The following PCDH11X variants were observed in gnomAD, a reference collection of about 807,000 sequenced individuals.
PCDH11X encodes the protein protocadherin 11 X-linked.
Under a neutral mutation model 53.3 loss-of-function variants are expected in PCDH11X, and 18 were observed. That is an observed-to-expected ratio of 0.34 (90% CI 0.23 to 0.50). The LOEUF is 0.50. PCDH11X is among the 20% of genes least tolerant of loss of function. The pLI is 0.98. For synonymous variants in PCDH11X, 279 were observed against 393.3 expected (o/e 0.71, Z 3.44); for missense variants, 570 against 1,032.4 (o/e 0.55, Z 6.14).
At position 92,621,969 on chromosome X, in the gene PCDH11X, T is replaced by G. The variant is rs1163406519; in HGVS notation, c.*3029T>G. 2 of 104,111 alleles carry G rather than the reference T, an allele frequency of 1.9e-5. No individual in the cohort carries two copies. The highest frequency in any genetic ancestry group is 3.9e-5 in the Non-Finnish European group (2 of 50,928). 8.6% of individuals were successfully genotyped at this position (104,111 alleles called of 1,213,427 possible). On this transcript the variant is annotated 3_prime_UTR_variant, in exon 11 of 11. Coordinates refer to ENST00000682573, the MANE Select transcript of PCDH11X (RefSeq NM_032968.5). ...ACTATATCACACTTGTGAGTATGTA[T>G]TCAAATACTAAGTATCTTATATGCT...
At chrX:92,537,553 G>T (rs1387824808) in intron 10 of PCDH11X, among the ~76,000 whole-genome samples, 1 of 107,378 alleles carries the variant, frequency 9.3e-6, no homozygotes, top group African/African-American at 3.4e-5. Context: ...ATTAGCCAAA[G>T]CTGTCCTGAG....
intron 4 of PCDH11X, among the ~76,000 whole-genome samples, chrX:91,812,551 C>G (rs1205142742): frequency 1.8e-5 from 2 of 110,986 alleles, no homozygotes; most frequent in African/African-American, 3.3e-5. Context: ...CTTTGTGTGT[C>G]TATAATTCTT....
intron 6 of PCDH11X, among the ~76,000 whole-genome samples, chrX:92,077,144 G>A (rs1448743786): frequency 9.0e-6 from 1 of 111,730 alleles, no homozygotes. Flanking sequence ...GACAAAAATG[G>A]TATTGGCCTT....
chrX:92,610,574 G>A (rs992087602), intron 10 of PCDH11X, among the ~76,000 whole-genome samples: 3 of 109,788 alleles, frequency 2.7e-5, no homozygotes, highest in Non-Finnish European at 3.8e-5. Context: ...AGCTTATTTT[G>A]CTTTGCAGAA....
intron 6 of PCDH11X, among the ~76,000 whole-genome samples, chrX:91,898,912 A>G (rs1459847129): frequency 9.2e-6 from 1 of 108,818 alleles, no homozygotes; most frequent in Non-Finnish European, 1.9e-5. Context: ...CTGAGACTCA[A>G]TTTCTTCTTG....
At chrX:92,468,235 T>C (rs1378248095) in intron 9 of PCDH11X, 64 bp from the exon 10 acceptor site, 3 of 956,767 alleles carry the variant, frequency 3.1e-6, no homozygotes, top group East Asian at 3.5e-5. Context: ...GGTATGCTAA[T>C]ATAATGTTGT....
chrX:92,563,740 C>A (rs1211708020), intron 10 of PCDH11X, among the ~76,000 whole-genome samples: 5 of 111,356 alleles, frequency 4.5e-5, no homozygotes, highest in Non-Finnish European at 9.4e-5. Flanking sequence ...TATTAATGTG[C>A]TAGAAGAAAC....
intron 6 of PCDH11X, among the ~76,000 whole-genome samples, chrX:92,149,777 A>G (rs971626870): frequency 4.5e-5 from 5 of 110,524 alleles, no homozygotes; most frequent in African/African-American, 1.6e-4. Context: ...CCAAACAACC[A>G]CTAATATGTG....
At chrX:92,355,202 C>T (rs1196992474) in intron 8 of PCDH11X, among the ~76,000 whole-genome samples, 2 of 95,431 alleles carry the variant, frequency 2.1e-5, no homozygotes, top group Admixed American at 1.2e-4. Context: ...CCGAGGCGGG[C>T]GGATCATGAG....
chrX:92,113,450 C>G, intron 6 of PCDH11X: 1 of 1,204,132 alleles, frequency 8.3e-7, no homozygotes, highest in Admixed American at 2.2e-5. Context: ...ACCTGCTGCA[C>G]ATCAATGCCT....
At chrX:92,143,331 C>T (rs2065218384) in intron 6 of PCDH11X, among the ~76,000 whole-genome samples, 1 of 112,279 alleles carries the variant, frequency 8.9e-6, no homozygotes, top group African/African-American at 3.2e-5. Context: ...ATGTCAGAGA[C>T]TTTCACAGCA....
At chrX:92,273,635 T>C (rs996885958) in intron 8 of PCDH11X, among the ~76,000 whole-genome samples, 3 of 110,098 alleles carry the variant, frequency 2.7e-5, no homozygotes, top group African/African-American at 6.6e-5. Flanking sequence ...CAAGCGGGAT[T>C]AGGGGCGGCG....
At chrX:92,136,284 GATGT>G (rs1477216788) in intron 6 of PCDH11X, among the ~76,000 whole-genome samples, 1 of 110,744 alleles carries the variant, frequency 9.0e-6, no homozygotes, top group Non-Finnish European at 1.9e-5. Context: ...AAAGGCACTA[GATGT>G]ATGTGTGACG....
At chrX:92,255,260 C>G (rs1328228848) in intron 7 of PCDH11X, among the ~76,000 whole-genome samples, 10 of 105,835 alleles carry the variant, frequency 9.4e-5, no homozygotes, top group African/African-American at 3.4e-4. Flanking sequence ...GCATTCTTCA[C>G]GTAGTTCTCG....
intron 6 of PCDH11X, among the ~76,000 whole-genome samples, chrX:92,149,836 G>T (rs1336357254): frequency 9.0e-6 from 1 of 110,911 alleles, no homozygotes; most frequent in Non-Finnish European, 1.9e-5. Context: ...TATATCAATG[G>T]AATCACACAA....
chrX:92,018,924 C>A (rs1228803989), intron 6 of PCDH11X, among the ~76,000 whole-genome samples: 3 of 112,451 alleles, frequency 2.7e-5, no homozygotes, highest in Non-Finnish European at 5.6e-5. Context: ...CACATACAAT[C>A]TTTCCAGGAG....
At chrX:91,871,319 G>A (rs2147713986) in intron 5 of PCDH11X, among the ~76,000 whole-genome samples, 1 of 106,608 alleles carries the variant, frequency 9.4e-6, no homozygotes, top group Admixed American at 1.0e-4. Context: ...AATACTAAGA[G>A]AAAAGTGAAA....
chrX:92,348,567 G>A (rs138577258), intron 8 of PCDH11X, among the ~76,000 whole-genome samples: 16,556 of 106,330 alleles, frequency 0.16, 1,062 homozygotes, highest in African/African-American at 0.23. Context: ...ACGGAGTTTC[G>A]CTCTTGTTGC....
intron 6 of PCDH11X, among the ~76,000 whole-genome samples, chrX:91,935,318 C>A (rs1447606091): frequency 9.6e-6 from 1 of 103,906 alleles, no homozygotes; most frequent in Non-Finnish European, 2.0e-5. Flanking sequence ...ACATGAAGAC[C>A]CAGTTTTCAT....
Sources: gnomAD v4.1 joint callset for allele counts (sites outside exome capture counted in the v4.1 genomes callset) on GRCh38, gnomAD v4.1.1 for gene constraint, MANE v1.5 for transcripts, NCBI Gene and HGNC (gene_info 2026-07-23, HGNC 2026-07-21) for gene names.